The following CDC14B variants were observed in gnomAD, a reference collection of about 807,000 sequenced individuals.
CDC14B encodes the protein cell division cycle 14B.
In CDC14B, 22 loss-of-function variants were observed where a neutral mutation model predicts 64.2. The observed-to-expected ratio is 0.34, with a 90% CI of 0.24 to 0.49. The LOEUF is 0.49. CDC14B is among the 20% of genes least tolerant of loss of function. CDC14B has a pLI of 0.99. For synonymous variants in CDC14B, 191 were observed against 215.8 expected (o/e 0.89, Z 1.01); for missense variants, 498 against 629.9 (o/e 0.79, Z 2.24).
rs143744015 is a variant in CDC14B, at chr9:96,522,962, C to G, written c.1245+299G>C. ...CTCTCTATTTGAGAATGATTGCTTT[C>G]CTAAATCAGCTGTTGTGAAATGGCA... On this transcript the variant is annotated intron_variant, in intron 11 of 13. Transcript: ENST00000375241. Among the ~76,000 whole-genome samples the G allele has an allele frequency of 1.1e-3, 170 of 152,276 alleles. 1 individual carries two copies. Among genetic ancestry groups the G allele is most frequent in the Admixed American group, 3.9e-4 (6 of 15,302 alleles).
downstream of CDC14B, among the ~76,000 whole-genome samples, chr9:96,499,518 ACTTAAGT>A (rs1833390159): frequency 6.6e-6 from 1 of 152,188 alleles, no homozygotes; most frequent in Non-Finnish European, 1.5e-5. Context: ...AGCCTGACTG[ACTTAAGT>A]CTTATCTTTA....
intron 1 of CDC14B, among the ~76,000 whole-genome samples, chr9:96,615,278 TGA>T (rs1214336758): frequency 6.6e-6 from 1 of 152,188 alleles, no homozygotes; most frequent in Non-Finnish European, 1.5e-5. Context: ...GGGGTTGGAA[TGA>T]GAGTTAAACC....
At chr9:96,585,616 C>T (rs1483494803) in intron 1 of CDC14B, among the ~76,000 whole-genome samples, 1 of 152,102 alleles carries the variant, frequency 6.6e-6, no homozygotes, top group Non-Finnish European at 1.5e-5. Context: ...AATGACAACA[C>T]CAATTGTTGG....
At chr9:96,538,140 A>G (rs1265067172) in intron 7 of CDC14B, among the ~76,000 whole-genome samples, 1 of 152,236 alleles carries the variant, frequency 6.6e-6, no homozygotes, top group African/African-American at 2.4e-5. Context: ...AATTAGGTGT[A>G]TAATGACTAT....
At chr9:96,528,008 T>A (rs1247473554) in intron 9 of CDC14B, among the ~76,000 whole-genome samples, 1 of 152,312 alleles carries the variant, frequency 6.6e-6, no homozygotes, top group East Asian at 1.9e-4. Context: ...AAGTATCTCA[T>A]ACAACTGGAT....
At position 96,619,785 on chromosome 9, in the gene CDC14B, C is replaced by CA. The variant is rs1328240973; in HGVS notation, c.-408dup. 1.3e-5 allele frequency: 2 copies of CA among 151,914 alleles called. No individual in the cohort carries two copies. Among genetic ancestry groups the CA allele is most frequent in the African/African-American group, 4.8e-5 (2 of 41,426 alleles). 9.4% of individuals were successfully genotyped at this position (151,914 alleles called of 1,614,324 possible). ...GGCCGCTGCTGCGTAGGCGCCGGGG[C>CA]ACAGCAGGACGCGGCTCGTGGGGAC... On this transcript the variant is annotated 5_prime_UTR_variant, in exon 1 of 14. The change creates a premature stop within an existing upstream ORF in the 5' untranslated region. Transcript: ENST00000375241.
chr9:96,506,379 T>C (rs1170784697), intron 13 of CDC14B, among the ~76,000 whole-genome samples: 2 of 152,220 alleles, frequency 1.3e-5, no homozygotes, highest in African/African-American at 4.8e-5. Flanking sequence ...AGCTCCAGGC[T>C]ACAGCTTGGC....
At chr9:96,548,520 T>G (rs1355590024) in intron 5 of CDC14B, among the ~76,000 whole-genome samples, 1 of 151,650 alleles carries the variant, frequency 6.6e-6, no homozygotes, top group African/African-American at 2.4e-5. Context: ...ACTTTAAAAC[T>G]CAGTGGTTAA....
intron 1 of CDC14B, among the ~76,000 whole-genome samples, chr9:96,598,481 C>A (rs946837872): frequency 1.3e-5 from 2 of 152,042 alleles, no homozygotes; most frequent in Admixed American, 6.6e-5. Context: ...GGATTACAGG[C>A]GCCTGCCACT....
chr9:96,507,420 A>ATTTT (rs547920065), intron 13 of CDC14B, among the ~76,000 whole-genome samples: 1 of 143,784 alleles, frequency 7.0e-6, no homozygotes, highest in African/African-American at 2.5e-5. Context: ...TTTTTATTTG[A>ATTTT]TTTTTTTTTT....
In CDC14B at chr9:96,583,699, T is replaced by A. The variant is rs370122839; in HGVS notation, c.161-18216A>T. Among the ~76,000 whole-genome samples the A allele has an allele frequency of 1.4e-4, 21 of 150,598 alleles. No homozygotes were observed. In the South Asian group the frequency reaches 4.4e-3, roughly 32 times the overall value. ...GCGTGAGCCAAGGGCCCTGGCCTGG[T>A]TGTGAGGATTTCTTATTTTTTATTT... On this transcript the variant is annotated intron_variant, in intron 1 of 13. Coordinates refer to ENST00000375241, the MANE Select transcript of CDC14B (RefSeq NM_033331.4).
At chr9:96,615,045 T>G (rs1477821894) in intron 1 of CDC14B, among the ~76,000 whole-genome samples, 1 of 152,152 alleles carries the variant, frequency 6.6e-6, no homozygotes, top group Non-Finnish European at 1.5e-5. Flanking sequence ...TTCACCATGT[T>G]GGCCAGGCTG....
At chr9:96,554,713 A>G (rs899240429) in intron 4 of CDC14B, among the ~76,000 whole-genome samples, 4 of 152,220 alleles carry the variant, frequency 2.6e-5, no homozygotes, top group Non-Finnish European at 2.9e-5. Context: ...TATAACTATC[A>G]AAGATATATT....
chr9:96,544,707 G>C (rs1247133683), intron 5 of CDC14B, among the ~76,000 whole-genome samples: 1 of 152,112 alleles, frequency 6.6e-6, no homozygotes, highest in Non-Finnish European at 1.5e-5. Context: ...ATGTTGCCCA[G>C]GCTGGTCTCG....
intron 4 of CDC14B, among the ~76,000 whole-genome samples, chr9:96,553,571 G>A (rs1842114313): frequency 6.6e-6 from 1 of 151,802 alleles, no homozygotes; most frequent in Non-Finnish European, 1.5e-5. Flanking sequence ...ATGTTTGCCA[G>A]GCTGGTCTCA....
At chr9:96,598,760 C>T (rs1050908052) in intron 1 of CDC14B, among the ~76,000 whole-genome samples, 3 of 152,166 alleles carry the variant, frequency 2.0e-5, no homozygotes, top group Non-Finnish European at 4.4e-5. Context: ...TGGAATGTCA[C>T]CCTGATACAC....
At chr9:96,531,353 T>C (rs528323388) in intron 9 of CDC14B, among the ~76,000 whole-genome samples, 12 of 152,270 alleles carry the variant, frequency 7.9e-5, no homozygotes, top group Admixed American at 6.5e-4. Context: ...TTCTTTATGA[T>C]TTAGTTCTGG....
intron 4 of CDC14B, among the ~76,000 whole-genome samples, chr9:96,556,668 A>C (rs2132148227): frequency 6.6e-6 from 1 of 152,262 alleles, no homozygotes; most frequent in Admixed American, 6.5e-5. Flanking sequence ...ACACGTATCT[A>C]CCAAGTCTGC....
chr9:96,614,291 G>C (rs1564396696), intron 1 of CDC14B, among the ~76,000 whole-genome samples: 1 of 150,810 alleles, frequency 6.6e-6, no homozygotes, highest in Non-Finnish European at 1.5e-5. Flanking sequence ...GCCCAGGCTA[G>C]AGTGCTGTGG....
Sources: allele counts gnomAD v4.1 joint callset (sites outside exome capture counted in the v4.1 genomes callset), GRCh38; gene constraint gnomAD v4.1.1; transcripts MANE v1.5; gene names NCBI Gene and HGNC (gene_info 2026-07-23, HGNC 2026-07-21).